The following HECTD4 variants were observed in gnomAD, a reference collection of about 807,000 sequenced individuals.
HECTD4 encodes the protein HECT domain E3 ubiquitin protein ligase 4, also known as probable E3 ubiquitin-protein ligase HECTD4.
Under a neutral mutation model 471.5 loss-of-function variants are expected in HECTD4, and 114 were observed. That is an observed-to-expected ratio of 0.24 (90% CI 0.21 to 0.28). The LOEUF is 0.28. HECTD4 is among the 10% of genes least tolerant of loss of function. The probability of loss-of-function intolerance (pLI) is 1.00; values close to 1 mark genes in which losing one functional copy is unlikely to be tolerated. For missense variants in HECTD4, 3,866 were observed against 5,651.5 expected (o/e 0.68, Z 10.13); for synonymous variants, 2,012 against 2,256.0 (o/e 0.89, Z 3.07).
rs953882793 is a variant in HECTD4, at chr12:112,184,304, C to G, written c.10662G>C (p.Glu3554Asp). ...AGGCCGTCTCTGCATTGTCCAGGGG[C>G]TCCCCCAGGCTGCCCAGGCTGCCCA... ...GSLGSLGSLG[E>D]PLDNAETASV... The change falls in exon 61 of 76, where the codon GAG (glutamate) becomes GAC (aspartate). Residue 3554 changes from glutamate (E) to aspartate (D), a missense_variant. Around this residue, in one of 16 missense-constraint regions of HECTD4, gnomAD observed 192 missense variants for 189.9 expected, o/e 1.01. Coordinates refer to ENST00000682272, the MANE Select transcript of HECTD4 (RefSeq NM_001388303.1). The surrounding 1 kb of genome is among the most constrained non-coding windows in gnomAD (Gnocchi z 9.1). The G allele has an allele frequency of 4.3e-6, 7 of 1,613,494 alleles. No homozygotes were observed. The highest frequency in any genetic ancestry group is 5.9e-6 in the Non-Finnish European group (7 of 1,179,870).
chr12:112,193,805 G>A lies in HECTD4; in HGVS notation c.8750-131C>T. ...AGGGTTATCCTGGATATGATGTCCT[G>A]GATAACAGATGCCGGCAATCAGATC... On this transcript the variant is annotated intron_variant, in intron 56 of 75. Coordinates refer to ENST00000682272, the MANE Select transcript of HECTD4 (RefSeq NM_001388303.1). This position sits in a 1 kb window ranked among gnomAD's most constrained non-coding sequence, Gnocchi z 5.2. 2 of 761,056 alleles carry A rather than the reference G, an allele frequency of 2.6e-6. No individual in the cohort carries two copies. Among genetic ancestry groups the A allele is most frequent in the Non-Finnish European group, 4.4e-6 (2 of 458,070 alleles). 47.1% of individuals were successfully genotyped at this position (761,056 alleles called of 1,614,324 possible). A position where few individuals can be genotyped will look rare whatever the true frequency, so the allele number is the denominator to read the frequency against.
At position 112,381,623 on chromosome 12, in the gene HECTD4, G is replaced by A. The variant is rs1566131863; in HGVS notation, c.177+329C>T. On this transcript the variant is annotated intron_variant, in intron 1 of 75. Coordinates refer to ENST00000682272, the MANE Select transcript of HECTD4 (RefSeq NM_001388303.1). This position sits in a 1 kb window ranked among gnomAD's most constrained non-coding sequence, Gnocchi z 4.1. ...GGGGCCCGTGGGGGAGGGGAGGGAGGGCCCGGGTGGTGGCGGTGGCTCCTC... is the reference window on the plus strand; with the variant it reads ...GGGGCCCGTGGGGGAGGGGAGGGAGAGCCCGGGTGGTGGCGGTGGCTCCTC... Among the ~76,000 whole-genome samples the A allele has an allele frequency of 2.6e-5, 4 of 152,154 alleles. No individual in the cohort carries two copies. Among genetic ancestry groups the A allele is most frequent in the Admixed American group, 2.0e-4 (3 of 15,282 alleles).
intron 29 of HECTD4, 118 bp from the exon 30 acceptor site, chr12:112,244,127 C>T (rs2033703974): frequency 2.0e-6 from 2 of 978,196 alleles, no homozygotes; most frequent in Non-Finnish European, 3.0e-6. Flanking sequence ...GTTCAGCCAC[C>T]AATCTAGCTA....
At chr12:112,367,106 C>CGT (rs1164486993) in intron 1 of HECTD4, among the ~76,000 whole-genome samples, 1 of 147,078 alleles carries the variant, frequency 6.8e-6, no homozygotes, top group Non-Finnish European at 1.5e-5. Flanking sequence ...GTACGAGACC[C>CGT]GTCTGGCCAA....
At chr12:112,221,649 C>A (rs571653239) in intron 44 of HECTD4, among the ~76,000 whole-genome samples, 1 of 152,034 alleles carries the variant, frequency 6.6e-6, no homozygotes, top group African/African-American at 2.4e-5. Flanking sequence ...TAACCTGGTG[C>A]GGTTTCTCAT....
At chr12:112,180,771 TG>T (rs2031639065) in intron 62 of HECTD4, among the ~76,000 whole-genome samples, 1 of 151,972 alleles carries the variant, frequency 6.6e-6, no homozygotes, top group Non-Finnish European at 1.5e-5. Context: ...ACATCGACTT[TG>T]GGGGCAGCTG....
chr12:112,162,317 C>G lies in HECTD4; in HGVS notation c.*70G>C. The G allele has an allele frequency of 1.3e-6, 2 of 1,595,624 alleles. No homozygotes were observed. The highest frequency in any genetic ancestry group is 1.7e-6 in the Non-Finnish European group (2 of 1,165,542). On this transcript the variant is annotated 3_prime_UTR_variant, in exon 76 of 76. Coordinates refer to ENST00000682272, the MANE Select transcript of HECTD4 (RefSeq NM_001388303.1). The surrounding 1 kb of genome is among the most constrained non-coding windows in gnomAD (Gnocchi z 5.2). ...CACGCAGGGCCCTGGAGGGACGGGC[C>G]GCAGTGGTGGCTTCCCAAGCCAGCA...
chr12:112,269,561 C>T (rs2034370512), intron 13 of HECTD4, 143 bp downstream of exon 13: 3 of 843,628 alleles, frequency 3.6e-6, no homozygotes, highest in Non-Finnish European at 1.8e-6. Flanking sequence ...AACCCCTCTC[C>T]AGTGAAATTA....
chr12:112,167,952 T>C, intron 70 of HECTD4, 35 bp from the exon 71 acceptor site: 2 of 1,557,870 alleles, frequency 1.3e-6, no homozygotes, highest in Non-Finnish European at 1.8e-6. Context: ...GCACCTGGGG[T>C]GTCCCGGCGG....
At chr12:112,349,466 C>T (rs983433626) in intron 1 of HECTD4, among the ~76,000 whole-genome samples, 3 of 150,844 alleles carry the variant, frequency 2.0e-5, no homozygotes, top group Middle Eastern at 3.4e-3. Context: ...AAAATACGGC[C>T]AAATCAACAT....
intron 1 of HECTD4, among the ~76,000 whole-genome samples, chr12:112,324,899 C>T (rs1372170059): frequency 6.6e-6 from 1 of 152,064 alleles, no homozygotes; most frequent in African/African-American, 2.4e-5. Flanking sequence ...TATAAAATAC[C>T]TACCTATGTA....
chr12:112,172,602 A>T (rs1235046185), intron 67 of HECTD4, 69 bp downstream of exon 67: 2 of 1,460,786 alleles, frequency 1.4e-6, no homozygotes, highest in African/African-American at 2.8e-5. Flanking sequence ...TAGCCCTTGT[A>T]AATGCCCCTT....
chr12:112,377,150 G>A (rs2036796315), intron 1 of HECTD4, among the ~76,000 whole-genome samples: 1 of 151,826 alleles, frequency 6.6e-6, no homozygotes, highest in South Asian at 2.1e-4. Flanking sequence ...AAATAAAACA[G>A]GACAGTTGGC....
At chr12:112,307,065 T>TA (rs200943607) in intron 6 of HECTD4, among the ~76,000 whole-genome samples, 15 of 150,100 alleles carry the variant, frequency 1.0e-4, no homozygotes, top group South Asian at 4.2e-4. Flanking sequence ...TGGCTAGGTT[T>TA]AAAAAAAAAA....
intron 1 of HECTD4, among the ~76,000 whole-genome samples, chr12:112,339,033 AT>A: frequency 6.6e-6 from 1 of 152,222 alleles, no homozygotes; most frequent in Non-Finnish European, 1.5e-5. Flanking sequence ...ATAGGATAAC[AT>A]TTACAGGTTG....
At chr12:112,256,949 G>A (rs2034026797) in intron 20 of HECTD4, 1 of 151,700 alleles carries the variant, frequency 6.6e-6, no homozygotes, top group Non-Finnish European at 1.5e-5. Context: ...ATTTCCTTTT[G>A]TTGATATCTA....
At chr12:112,378,227 T>A (rs1316174194) in intron 1 of HECTD4, among the ~76,000 whole-genome samples, 1 of 152,026 alleles carries the variant, frequency 6.6e-6, no homozygotes, top group Non-Finnish European at 1.5e-5. Flanking sequence ...AAGACTCTTT[T>A]TTTCTTTTTT....
chr12:112,226,527 A>T, intron 44 of HECTD4, 116 bp downstream of exon 44: 1 of 567,648 alleles, frequency 1.8e-6, no homozygotes, highest in South Asian at 3.2e-5. Flanking sequence ...TGTTGTCCTT[A>T]CAGCTCGGCT....
Position 112,259,274 on chromosome 12 carries a change from A to G in HECTD4, c.2874-9T>C. 1 of 1,613,534 alleles carries G rather than the reference A, an allele frequency of 6.2e-7. No homozygotes were observed. The highest frequency in any genetic ancestry group is 1.3e-5 in the African/African-American group (1 of 75,020). On this transcript the variant is annotated splice_polypyrimidine_tract_variant and intron_variant, in intron 18 of 75. Transcript: ENST00000682272. ...GTTCCAAGCCTTTTAACCTACAAAA[A>G]GTTCAAGAAAAACACACAGCCTAAG...
Sources: gnomAD v4.1 joint callset for allele counts (sites outside exome capture counted in the v4.1 genomes callset) on GRCh38, gnomAD v4.1.1 for gene constraint, gnomAD v4.1.1 regional missense constraint, Gnocchi (gnomAD v3.1) non-coding constraint, MANE v1.5 for transcripts, NCBI Gene and HGNC (gene_info 2026-07-23, HGNC 2026-07-21) for gene names.